ITGB7: variants seen among roughly 807,000 people sequenced by gnomAD.
ITGB7 encodes the protein integrin subunit beta 7, also known as integrin beta-7.
Under a neutral mutation model 83.4 loss-of-function variants are expected in ITGB7, and 55 were observed. The ratio of observed to expected loss-of-function variants is 0.66; its 90% CI spans 0.53 to 0.83. The LOEUF (loss-of-function observed/expected upper bound fraction) is 0.83, where lower values mean the gene tolerates loss of function less well. ITGB7 is among the 40% of genes least tolerant of loss of function. The probability of loss-of-function intolerance (pLI) is 0.00; values close to 1 mark genes in which losing one functional copy is unlikely to be tolerated. For missense variants in ITGB7, 921 were observed against 1,046.7 expected (o/e 0.88, Z 1.66); for synonymous variants, 454 against 423.6 (o/e 1.07, Z -0.88).
At chr12:53,198,298 T>C (rs1942235970) in intron 3 of ITGB7, among the ~76,000 whole-genome samples, 1 of 152,154 alleles carries the variant, frequency 6.6e-6, no homozygotes, top group South Asian at 2.1e-4. Context: ...CCAGGTTTTT[T>C]GTATTTTTAG....
Position 53,193,306 on chromosome 12 carries a change from G to A in ITGB7, c.1560C>T (p.Ser520=). ...CCCGGCACCCAGATTCCAGGTCTGG[G>A]GAGGACAGCTCTGCCACAGAGCACT... is the stretch of plus-strand genomic sequence containing the variant. The part of the protein sequence containing the change: ...LCECSVAELS[S]PDLESGCRAP... Residue 520 remains serine, a synonymous_variant, in exon 12 of 16, where the codon TCC becomes TCT. Coordinates refer to ENST00000267082, the MANE Select transcript of ITGB7 (RefSeq NM_000889.3). 1 of 1,611,408 alleles carries A rather than the reference G, an allele frequency of 6.2e-7. No individual in the cohort carries two copies. Among genetic ancestry groups the A allele is most frequent in the East Asian group, 2.2e-5 (1 of 44,782 alleles).
intron 8 of ITGB7, 67 bp downstream of exon 8, chr12:53,195,557 ATG>A (rs1239976551): frequency 2.9e-5 from 44 of 1,526,206 alleles, no homozygotes; most frequent in Middle Eastern, 3.4e-4. Flanking sequence ...GGGACGGAGA[ATG>A]TATCTTTGGG....
Position 53,197,827 on chromosome 12 carries a change from T to C in ITGB7, c.326A>G (p.Gln109Arg). 6.5e-7 allele frequency: 1 copy of C among 1,535,060 alleles called. No individual in the cohort carries two copies. Among genetic ancestry groups the C allele is most frequent in the Non-Finnish European group, 8.7e-7 (1 of 1,146,108 alleles). Residue 109 changes from glutamine (Q) to arginine (R), a missense_variant, in exon 4 of 16, where the codon CAG (glutamine) becomes CGG (arginine). Physicochemically the swap from Gln to Arg is conservative, Grantham distance 43 (BLOSUM62 1). Transcript: ENST00000267082. The stretch of plus-strand genomic sequence containing the variant: ...TCCGCGGGCGCCCTGGCTGAGCGGC[T>C]GGTCCTGCAGCACCTCCTGCTGGCC... ...PRGQQEVLQD[Q>R]PLSQGARGEG...
chr12:53,197,197 G>C, intron 5 of ITGB7: 1 of 562,488 alleles, frequency 1.8e-6, no homozygotes, highest in Non-Finnish European at 3.2e-6. Flanking sequence ...CATCAGGGCA[G>C]GTTCCAGGTT....
chr12:53,206,225 G>A lies in ITGB7; in HGVS notation c.-127+977C>T, dbSNP rs1942440319. Reference sequence around the variant, plus strand: ...CTCCTTTCATTTCAAAACTTCTATTGCATCTCTCTGCTGCTTTTCTCTGCT... The same window carrying A: ...CTCCTTTCATTTCAAAACTTCTATTACATCTCTCTGCTGCTTTTCTCTGCT... On this transcript the variant is annotated intron_variant, in intron 1 of 15. Coordinates refer to ENST00000267082, the MANE Select transcript of ITGB7 (RefSeq NM_000889.3). Among the ~76,000 whole-genome samples the A allele has an allele frequency of 2.6e-5, 4 of 151,996 alleles. No individual in the cohort carries two copies. The South Asian group carries it at 6.2e-4, about 24-fold the overall frequency.
In ITGB7 at chr12:53,193,822, G is replaced by A. The variant is rs1270960195; in HGVS notation, c.1388C>T (p.Ser463Leu). The A allele has an allele frequency of 6.2e-7, 1 of 1,614,104 alleles. No homozygotes were observed. Among genetic ancestry groups the A allele is most frequent in the Non-Finnish European group, 8.5e-7 (1 of 1,180,004 alleles). Reference protein sequence around the residue: ...HLLRLRALGFSEELIVELHTL... With the variant: ...HLLRLRALGFLEELIVELHTL... Reference sequence around the variant, plus strand: ...GTGCAACTCCACAATCAGCTCCTCTGAGAAGCCAAGGGCCCGGAGCCTCAG... The same window carrying A: ...GTGCAACTCCACAATCAGCTCCTCTAAGAAGCCAAGGGCCCGGAGCCTCAG... Residue 463 changes from serine to leucine, a missense_variant, in exon 11 of 16, where the codon TCA becomes TTA. Physicochemically the swap from Ser to Leu is moderately radical, Grantham distance 145. Transcript: ENST00000267082.
chr12:53,194,166 C>T, intron 10 of ITGB7, 32 bp downstream of exon 10: 1 of 1,613,084 alleles, frequency 6.2e-7, no homozygotes, highest in Non-Finnish European at 8.5e-7. Context: ...CCTCCCCCTG[C>T]CCGCCTTCTG....
At chr12:53,207,135 G>C (rs898868628) in intron 1 of ITGB7, 67 bp downstream of exon 1, 4 of 152,800 alleles carry the variant, frequency 2.6e-5, no homozygotes, top group Non-Finnish European at 4.4e-5. Flanking sequence ...CTTCCCAAGA[G>C]GTTGGGACCA....
intron 12 of ITGB7, 60 bp downstream of exon 12, chr12:53,193,080 A>G: frequency 6.8e-7 from 1 of 1,479,646 alleles, no homozygotes; most frequent in Non-Finnish European, 9.3e-7. Flanking sequence ...AGATTCCCAG[A>G]GCCTAAGTGC....
At chr12:53,206,119 C>T (rs1942438292) in intron 1 of ITGB7, among the ~76,000 whole-genome samples, 2 of 152,318 alleles carry the variant, frequency 1.3e-5, no homozygotes, top group South Asian at 4.1e-4. Context: ...ACCTTTCTTT[C>T]CAATTATCCT....
intron 3 of ITGB7, among the ~76,000 whole-genome samples, chr12:53,198,162 C>T (rs1362145968): frequency 6.6e-6 from 1 of 152,192 alleles, no homozygotes; most frequent in African/African-American, 2.4e-5. Context: ...CGGAGTCTCA[C>T]TCTGTCACCC....
In ITGB7 at chr12:53,198,418, C is replaced by CTT. The variant is rs35054224; in HGVS notation, c.202-469_202-468dup. On this transcript the variant is annotated intron_variant, in intron 3 of 15. Coordinates refer to ENST00000267082, the MANE Select transcript of ITGB7 (RefSeq NM_000889.3). ...GGATTACAGACGTGAACCACCACGC[C>CTT]TTTTTTTTTTTTCCTACTGTAAAGA... Among the ~76,000 whole-genome samples, 210 of 145,912 alleles carry CTT rather than the reference C, an allele frequency of 1.4e-3. 1 individual carries two copies. Among genetic ancestry groups the CTT allele is most frequent in the South Asian group, 3.6e-3 (17 of 4,674 alleles).
At chr12:53,203,933 C>T (rs1942377853) in intron 1 of ITGB7, among the ~76,000 whole-genome samples, 1 of 152,074 alleles carries the variant, frequency 6.6e-6, no homozygotes, top group Non-Finnish European at 1.5e-5. Context: ...GAATTGAAAA[C>T]AGGTGTTCAA....
Position 53,200,345 on chromosome 12 carries a change from T to C in ITGB7, c.99A>G (p.Glu33=). Reference sequence around the variant, plus strand: ...GCATGGACAGGTGAGGATTCCGCCATTCTGTGGCATCCCCTGTGGATGGGA... The same window carrying C: ...GCATGGACAGGTGAGGATTCCGCCACTCTGTGGCATCCCCTGTGGATGGGA... ...AKIPSTGDAT[E]WRNPHLSMLG... is the part of the protein sequence containing the mutation. The change falls in exon 3 of 16, where the codon GAA becomes GAG. Residue 33 remains glutamate (E), a synonymous_variant. Transcript: ENST00000267082. 6.2e-7 allele frequency: 1 copy of C among 1,614,150 alleles called. No individual in the cohort carries two copies. Among genetic ancestry groups the C allele is most frequent in the South Asian group, 1.1e-5 (1 of 91,086 alleles).
chr12:53,192,514 G>C lies in ITGB7; in HGVS notation c.1971C>G (p.Phe657Leu). 6.2e-7 allele frequency: 1 copy of C among 1,614,054 alleles called. No homozygotes were observed. Among genetic ancestry groups the C allele is most frequent in the Non-Finnish European group, 8.5e-7 (1 of 1,179,976 alleles). ...AGTTGGTGGCCAGTGGGCCAGTCCT[G>C]AAGGCCCCACACTCTGCACAGTCCC... is the stretch of plus-strand genomic sequence containing the variant. The part of the protein sequence containing the change: ...RHRDCAECGA[F>L]RTGPLATNCS... The change falls in exon 14 of 16, where the codon TTC (phenylalanine) becomes TTG (leucine). Residue 657 changes from phenylalanine (F) to leucine (L), a missense_variant. Phe to Leu is a conservative substitution (Grantham distance 22). Coordinates refer to ENST00000267082, the MANE Select transcript of ITGB7 (RefSeq NM_000889.3).
At chr12:53,194,550 T>G in intron 9 of ITGB7, 1 of 524,592 alleles carries the variant, frequency 1.9e-6, no homozygotes, top group Non-Finnish European at 3.4e-6. Context: ...AGGCCTCTAA[T>G]ACAGCATTTC....
intron 14 of ITGB7, 58 bp from the exon 15 acceptor site, chr12:53,192,077 G>A: frequency 1.9e-6 from 3 of 1,566,786 alleles, no homozygotes; most frequent in Non-Finnish European, 2.6e-6. Context: ...CAGATCATCA[G>A]TTGCTCACAG....
rs1349251318 is a variant in ITGB7 at position 53,191,445 on chromosome 12, C to A, written c.*111G>T. 9.3e-6 allele frequency: 8 copies of A among 860,544 alleles called. No homozygotes were observed. The highest frequency in any genetic ancestry group is 1.6e-5 in the Non-Finnish European group (8 of 504,114). The allele number at this position is 860,544 out of a possible 1,614,324, so 53.3% of individuals were successfully genotyped here. On this transcript the variant is annotated 3_prime_UTR_variant, in exon 16 of 16. Transcript: ENST00000267082. ...ATGAAGTAGGGTGGTGGCCGCACCT[C>A]GCCAGTGAATTAGTCCCCTACCAAG... is the stretch of plus-strand genomic sequence containing the variant.
rs1348113919 is a variant in ITGB7 at position 53,193,729 on chromosome 12, T to G, written c.1481A>C (p.His494Pro). Residue 494 changes from histidine to proline, a missense_variant, in exon 11 of 16, where the codon CAC becomes CCC. His to Pro is a moderately conservative substitution (Grantham distance 77). Coordinates refer to ENST00000267082, the MANE Select transcript of ITGB7 (RefSeq NM_000889.3). ...TCACCTGCATACACCACATTGTAGG[T>G]GTCCCTGGCCATCACTGCAGTGGGG... ...QAPHCSDGQG[H>P]LQCGVCSCAP... 11 of 1,613,212 alleles carry G rather than the reference T, an allele frequency of 6.8e-6. No individual in the cohort carries two copies. Among genetic ancestry groups the G allele is most frequent in the Non-Finnish European group, 8.5e-7 (1 of 1,179,552 alleles).
Sources: gnomAD v4.1 joint callset for allele counts (sites outside exome capture counted in the v4.1 genomes callset) on GRCh38, gnomAD v4.1.1 for gene constraint, MANE v1.5 for transcripts, NCBI Gene and HGNC (gene_info 2026-07-23, HGNC 2026-07-21) for gene names.